Variants in CCDC179 observed in about 807,000 individuals in gnomAD.
The protein encoded by CCDC179 is coiled-coil domain-containing protein 179.
CCDC179 carries 17 observed loss-of-function variants against 12.0 expected under a neutral mutation model. The observed-to-expected ratio is 1.42, with a 90% CI of 0.97 to 2.13. The LOEUF is 2.13. Ranked by LOEUF, CCDC179 falls within the 30% of genes most tolerant of loss-of-function variation. CCDC179 has a pLI of 0.00. For missense variants in CCDC179, 83 were observed against 78.6 expected (o/e 1.06, Z -0.21); for synonymous variants, 27 against 26.4 (o/e 1.02, Z -0.07).
chr11:22,850,963 TATATATATATA>T (rs1858373916), intron 3 of CCDC179, among the ~76,000 whole-genome samples: 4 of 19,764 alleles, frequency 2.0e-4, no homozygotes, highest in African/African-American at 6.3e-4. Context: ...TATATATATA[TATATATATATA>T]TATTTTTTTT....
chr11:22,855,499 A>G (rs1345201222), intron 3 of CCDC179, among the ~76,000 whole-genome samples: 3 of 151,608 alleles, frequency 2.0e-5, no homozygotes, highest in African/African-American at 7.2e-5. Flanking sequence ...TATTCTGAAC[A>G]AAATGAAAAC....
chr11:22,859,422 C>T (rs1346073948), intron 2 of CCDC179, 30 bp downstream of exon 2: 3 of 1,450,738 alleles, frequency 2.1e-6, no homozygotes, highest in Middle Eastern at 1.8e-4. Flanking sequence ...GTTTAAACAA[C>T]CAGAACCTAG....
chr11:22,848,113 A>G (rs1858270394), intron 3 of CCDC179, among the ~76,000 whole-genome samples: 1 of 152,214 alleles, frequency 6.6e-6, no homozygotes, highest in African/African-American at 2.4e-5. Context: ...ATTCATAAAT[A>G]CATACACTTA....
At chr11:22,850,947 T>TATATATATAC (rs1381950153) in intron 3 of CCDC179, among the ~76,000 whole-genome samples, 1 of 10,250 alleles carries the variant, frequency 9.8e-5, no homozygotes, top group African/African-American at 2.5e-4. Flanking sequence ...AGGCTATATA[T>TATATATATAC]ATATATATAT....
At chr11:22,848,413 C>G (rs1205145763) in intron 3 of CCDC179, among the ~76,000 whole-genome samples, 2 of 151,784 alleles carry the variant, frequency 1.3e-5, no homozygotes, top group Non-Finnish European at 2.9e-5. Flanking sequence ...CACTGCACCC[C>G]AGCCTGGCCG....
At chr11:22,860,253 C>A in intron 1 of CCDC179, 124 bp downstream of exon 1, 1 of 1,124,820 alleles carries the variant, frequency 8.9e-7, no homozygotes, top group Non-Finnish European at 1.2e-6. Flanking sequence ...TGGAATTTCC[C>A]AACCCCCAGC....
At chr11:22,854,641 CAGA>C (rs1232458975) in intron 3 of CCDC179, among the ~76,000 whole-genome samples, 11 of 151,616 alleles carry the variant, frequency 7.3e-5, no homozygotes, top group Admixed American at 2.6e-4. Flanking sequence ...CTAGAGAATG[CAGA>C]AGAAGAATGG....
intron 3 of CCDC179, among the ~76,000 whole-genome samples, chr11:22,849,998 C>T (rs543107874): frequency 6.6e-6 from 1 of 152,230 alleles, no homozygotes; most frequent in South Asian, 2.1e-4. Flanking sequence ...ACATAGGGCT[C>T]ACAGATTGGT....
In CCDC179 at chr11:22,858,042, A is replaced by G; in HGVS notation, c.91-16T>C. The G allele has an allele frequency of 7.0e-7, 1 of 1,423,564 alleles. No homozygotes were observed. The highest frequency in any genetic ancestry group is 2.6e-5 in the Admixed American group (1 of 39,136). The allele number at this position is 1,423,564 out of a possible 1,614,324, so 88.2% of individuals were successfully genotyped here. On this transcript the variant is annotated splice_polypyrimidine_tract_variant and intron_variant, in intron 2 of 3. Transcript: ENST00000532798. The stretch of plus-strand genomic sequence containing the variant: ...TATTTGCAAGCTTTAGAAAAATTAA[A>G]ATGAAAGAAAAATCATACTTTTTTG...
chr11:22,848,594 C>A (rs900133063), intron 3 of CCDC179, among the ~76,000 whole-genome samples: 4 of 152,134 alleles, frequency 2.6e-5, no homozygotes, highest in African/African-American at 9.7e-5. Context: ...TGTAGGAATT[C>A]AGGCTTTTAT....
intron 3 of CCDC179, among the ~76,000 whole-genome samples, chr11:22,847,914 C>T (rs1858264862): frequency 6.6e-6 from 1 of 151,924 alleles, no homozygotes; most frequent in Non-Finnish European, 1.5e-5. Flanking sequence ...TTTTATTTTC[C>T]AAGTCTTATG....
chr11:22,857,550 CA>C (rs889864477), intron 3 of CCDC179, among the ~76,000 whole-genome samples: 4 of 151,696 alleles, frequency 2.6e-5, no homozygotes, highest in Non-Finnish European at 5.9e-5. Flanking sequence ...TACACAACTG[CA>C]AAACTTCTAG....
chr11:22,850,874 A>G (rs1385452984), intron 3 of CCDC179, among the ~76,000 whole-genome samples: 3 of 142,650 alleles, frequency 2.1e-5, no homozygotes, highest in African/African-American at 5.2e-5. Flanking sequence ...TTTCTTTCCT[A>G]TATCTCAAAT....
Position 22,847,471 on chromosome 11 carries a change from G to A in CCDC179, c.*39C>T, listed in dbSNP as rs750983287. 1 of 1,361,888 alleles carries A rather than the reference G, an allele frequency of 7.3e-7. No individual in the cohort carries two copies. Among genetic ancestry groups the A allele is most frequent in the South Asian group, 1.5e-5 (1 of 65,234 alleles). The allele number at this position is 1,361,888 out of a possible 1,614,324, so 84.4% of individuals were successfully genotyped here. On this transcript the variant is annotated 3_prime_UTR_variant, in exon 4 of 4. Coordinates refer to ENST00000532798, the MANE Select transcript of CCDC179 (RefSeq NM_001195637.2). The stretch of plus-strand genomic sequence containing the variant: ...TGATGTTCACAATCCACATATTTCT[G>A]TCTGGAGCATGGTTTCCTTCAAATA...
At chr11:22,857,658 T>A (rs1421398621) in intron 3 of CCDC179, among the ~76,000 whole-genome samples, 2 of 151,718 alleles carry the variant, frequency 1.3e-5, no homozygotes, top group South Asian at 2.1e-4. Flanking sequence ...TATGTAGTCA[T>A]CTAACATATG....
In CCDC179 at chr11:22,859,484, G is replaced by A. The variant is rs1159422774; in HGVS notation, c.58C>T (p.Gln20Ter). The A allele has an allele frequency of 6.7e-7, 1 of 1,498,456 alleles. No homozygotes were observed. Among genetic ancestry groups the A allele is most frequent in the South Asian group, 1.3e-5 (1 of 75,204 alleles). The allele number at this position is 1,498,456 out of a possible 1,614,324, so 92.8% of individuals were successfully genotyped here. ...TCAGTGACCTCTGAAGGATGATGTT[G>A]TCTTGGTCCTTCCTATATAATAAAC... ...PSQVNPEGPR[Q>*]HHPSEVTERQ... is the part of the protein sequence containing the mutation. The change falls in exon 2 of 4, where the codon CAA becomes TAA. Residue 20 changes from glutamine (Q) to a stop codon, truncating the protein, a stop_gained. Transcript: ENST00000532798. LOFTEE classifies it high-confidence loss of function.
At chr11:22,856,543 A>C (rs761049940) in intron 3 of CCDC179, among the ~76,000 whole-genome samples, 1 of 151,500 alleles carries the variant, frequency 6.6e-6, no homozygotes, top group Non-Finnish European at 1.5e-5. Flanking sequence ...AAATACCTAA[A>C]CCTCACATTA....
chr11:22,858,808 A>C (rs1254554974), intron 2 of CCDC179, among the ~76,000 whole-genome samples: 1 of 152,110 alleles, frequency 6.6e-6, no homozygotes, highest in Non-Finnish European at 1.5e-5. Context: ...AGGAAAATGT[A>C]AAAATAACAC....
At chr11:22,853,347 A>T (rs1858456204) in intron 3 of CCDC179, among the ~76,000 whole-genome samples, 2 of 152,180 alleles carry the variant, frequency 1.3e-5, no homozygotes, top group African/African-American at 4.8e-5. Context: ...AATTATGACA[A>T]ATATGCTAAG....
Sources: gnomAD v4.1 joint callset for allele counts (sites outside exome capture counted in the v4.1 genomes callset) on GRCh38, gnomAD v4.1.1 for gene constraint, MANE v1.5 for transcripts, NCBI Gene and HGNC (gene_info 2026-07-23, HGNC 2026-07-21) for gene names.